The following CCDC134 variants were observed in gnomAD, a reference collection of about 807,000 sequenced individuals.
CCDC134 encodes the protein coiled-coil domain-containing protein 134.
CCDC134 carries 27 observed loss-of-function variants against 25.6 expected under a neutral mutation model. That is an observed-to-expected ratio of 1.05 (90% CI 0.78 to 1.45). The LOEUF is 1.45. CCDC134 is among the 40% of genes most tolerant of loss of function. CCDC134 has a pLI of 0.00. For synonymous variants in CCDC134, 110 were observed against 115.0 expected (o/e 0.96, Z 0.28); for missense variants, 261 against 286.7 (o/e 0.91, Z 0.65).
At chr22:41,804,201 A>G (rs367715285) in intron 1 of CCDC134, among the ~76,000 whole-genome samples, 1 of 152,208 alleles carries the variant, frequency 6.6e-6, no homozygotes, top group Non-Finnish European at 1.5e-5. Context: ...CGGAAAAGCT[A>G]TCTACAGTAT....
intron 6 of CCDC134, among the ~76,000 whole-genome samples, chr22:41,821,220 G>A (rs575236897): frequency 2.6e-5 from 4 of 152,230 alleles, no homozygotes; most frequent in African/African-American, 9.6e-5. Flanking sequence ...CTGCTTTGAG[G>A]GGGTCCTGGG....
intron 1 of CCDC134, among the ~76,000 whole-genome samples, chr22:41,803,895 G>C (rs2076555529): frequency 6.6e-6 from 1 of 152,184 alleles, no homozygotes; most frequent in African/African-American, 2.4e-5. Flanking sequence ...ACTTTGGGAG[G>C]CTGAGACGGG....
chr22:41,814,547 A>G (rs1481880386), intron 6 of CCDC134, among the ~76,000 whole-genome samples: 1 of 152,010 alleles, frequency 6.6e-6, no homozygotes, highest in African/African-American at 2.4e-5. Context: ...AGCCTGGGCA[A>G]CATGAGTGAA....
In CCDC134 at chr22:41,830,979, G is replaced by A. The variant is rs374952571; in HGVS notation, c.*5156G>A. ...CTGCTCACCGTAACTTCTGCCTCCC[G>A]GGTTCAAGCAAGTCTCCTGCCTCAG... is the stretch of plus-strand genomic sequence containing the variant. On this transcript the variant is annotated 3_prime_UTR_variant, in exon 7 of 7. Transcript: ENST00000255784. Among the ~76,000 whole-genome samples the A allele has an allele frequency of 2.1e-3, 304 of 146,878 alleles. 2 individuals are homozygous for A. The highest frequency in any genetic ancestry group is 0.018 in the Middle Eastern group (5 of 274).
chr22:41,815,561 G>T (rs1370780845), intron 6 of CCDC134, among the ~76,000 whole-genome samples: 1 of 152,116 alleles, frequency 6.6e-6, no homozygotes, highest in Non-Finnish European at 1.5e-5. Flanking sequence ...ACTGATAGAG[G>T]CTAGGACCAA....
chr22:41,814,216 A>G (rs556204593), intron 6 of CCDC134, among the ~76,000 whole-genome samples: 14 of 152,232 alleles, frequency 9.2e-5, no homozygotes, highest in Middle Eastern at 3.4e-3. Context: ...CTCTCATTCC[A>G]GGGGTTCCAG....
rs377461039 is a variant in CCDC134 at position 41,813,353 on chromosome 22, T to G, written c.400T>G (p.Ser134Ala). 13 of 1,614,180 alleles carry G rather than the reference T, an allele frequency of 8.1e-6. No homozygotes were observed. The highest frequency in any genetic ancestry group is 7.6e-6 in the Non-Finnish European group (9 of 1,180,030). ...RIVHYYFDHN[S>A]NWNLLIRWGI... ...TGTGCACTATTACTTTGACCACAAC[T>G]CCAACTGGAACCTCCTCATCCGCTG... is the stretch of plus-strand genomic sequence containing the variant. The change falls in exon 5 of 7, where the codon TCC becomes GCC. Residue 134 changes from serine (S) to alanine (A), a missense_variant. Coordinates refer to ENST00000255784, the MANE Select transcript of CCDC134 (RefSeq NM_024821.5).
chr22:41,804,227 T>G (rs1015570996), intron 1 of CCDC134, among the ~76,000 whole-genome samples: 1 of 152,240 alleles, frequency 6.6e-6, no homozygotes, highest in Non-Finnish European at 1.5e-5. Flanking sequence ...CATCAACTTC[T>G]TATCCTGGTT....
rs1427704481 is a variant in CCDC134, at chr22:41,808,919, T to A, written c.29T>A (p.Leu10His). The part of the protein sequence containing the change: MDLLQFLAF[L>H]FVLLLSGMGA... ...GACCTTCTTCAATTCCTGGCCTTCCTCTTTGTCCTGCTTTTGTCTGGGATG... is the reference window on the plus strand; with the variant it reads ...GACCTTCTTCAATTCCTGGCCTTCCACTTTGTCCTGCTTTTGTCTGGGATG... Residue 10 changes from leucine (L) to histidine (H), a missense_variant, in exon 2 of 7, where the codon CTC becomes CAC. Coordinates refer to ENST00000255784, the MANE Select transcript of CCDC134 (RefSeq NM_024821.5). 6.2e-7 allele frequency: 1 copy of A among 1,614,226 alleles called. No individual in the cohort carries two copies. Among genetic ancestry groups the A allele is most frequent in the Admixed American group, 1.7e-5 (1 of 60,018 alleles).
chr22:41,816,684 C>T (rs896133498), intron 6 of CCDC134, among the ~76,000 whole-genome samples: 4 of 152,130 alleles, frequency 2.6e-5, no homozygotes, highest in Admixed American at 6.6e-5. Flanking sequence ...CTTGGGAGAC[C>T]GAGGTGGGCG....
In CCDC134 at chr22:41,829,992, C is replaced by T. The variant is rs1439218770; in HGVS notation, c.*4169C>T. Among the ~76,000 whole-genome samples the T allele has an allele frequency of 2.0e-5, 3 of 152,118 alleles. No individual in the cohort carries two copies. Among genetic ancestry groups the T allele is most frequent in the Admixed American group, 2.0e-4 (3 of 15,278 alleles). Reference sequence around the variant, plus strand: ...TTCACCATATTGGCCAGGATGGTCTCGATCTCTTGACTTCGTGATCTGCCT... The same window carrying T: ...TTCACCATATTGGCCAGGATGGTCTTGATCTCTTGACTTCGTGATCTGCCT... On this transcript the variant is annotated 3_prime_UTR_variant, in exon 7 of 7. Coordinates refer to ENST00000255784, the MANE Select transcript of CCDC134 (RefSeq NM_024821.5).
Position 41,831,184 on chromosome 22 carries a change from ACT to A in CCDC134, c.*5366_*5367del, listed in dbSNP as rs994034245. Reference sequence around the variant, plus strand: ...TACAGGCGTGAGCCACCTTGCCCGGACTCTCTTTGTATTTTTTCTTTCTTTTT... The same window carrying A: ...TACAGGCGTGAGCCACCTTGCCCGGACTCTTTGTATTTTTTCTTTCTTTTT... On this transcript the variant is annotated 3_prime_UTR_variant, in exon 7 of 7. Transcript: ENST00000255784. 20 of 142,734 alleles carry A rather than the reference ACT, an allele frequency of 1.4e-4. No individual in the cohort carries two copies. Among genetic ancestry groups the A allele is most frequent in the African/African-American group, 5.0e-4 (19 of 38,080 alleles). 8.8% of individuals were successfully genotyped at this position (142,734 alleles called of 1,614,324 possible). A position where few individuals can be genotyped will look rare whatever the true frequency, so the allele number is the denominator to read the frequency against.
At position 41,829,872 on chromosome 22, in the gene CCDC134, C is replaced by T. The variant is rs955604964; in HGVS notation, c.*4049C>T. 3.7e-4 allele frequency among the ~76,000 whole-genome samples: 56 copies of T among 152,196 alleles called. No homozygotes were observed. Among genetic ancestry groups the T allele is most frequent in the African/African-American group, 1.3e-3 (53 of 41,520 alleles). ...CACTGCAACCCCCGCCTCCCGGGTTCAAGTGATTCTTCTGCCTCAGCCTCC... is the reference window on the plus strand; with the variant it reads ...CACTGCAACCCCCGCCTCCCGGGTTTAAGTGATTCTTCTGCCTCAGCCTCC... On this transcript the variant is annotated 3_prime_UTR_variant, in exon 7 of 7. Coordinates refer to ENST00000255784, the MANE Select transcript of CCDC134 (RefSeq NM_024821.5).
chr22:41,815,901 C>T (rs1470223074), intron 6 of CCDC134, among the ~76,000 whole-genome samples: 1 of 152,184 alleles, frequency 6.6e-6, no homozygotes, highest in African/African-American at 2.4e-5. Flanking sequence ...CTTCCTGTCT[C>T]AGCCTCCCAA....
At chr22:41,803,400 A>G (rs945432733) in intron 1 of CCDC134, among the ~76,000 whole-genome samples, 2 of 152,168 alleles carry the variant, frequency 1.3e-5, no homozygotes, top group Admixed American at 1.3e-4. Flanking sequence ...GTCATTGCAA[A>G]CTTCTGGGCC....
Position 41,813,836 on chromosome 22 carries a change from G to T in CCDC134, c.564+14G>T. ...GACCGCACAGAGGTGAGCTGCCAGG[G>T]CCTATGCCTGTGTCTGCTTTGCCTC... On this transcript the variant is annotated intron_variant, in intron 6 of 6. Coordinates refer to ENST00000255784, the MANE Select transcript of CCDC134 (RefSeq NM_024821.5). The T allele has an allele frequency of 1.2e-6, 2 of 1,613,092 alleles. No individual in the cohort carries two copies. Among genetic ancestry groups the T allele is most frequent in the Non-Finnish European group, 8.5e-7 (1 of 1,179,052 alleles).
chr22:41,802,146 TTTTA>T (rs1288881464), intron 1 of CCDC134, among the ~76,000 whole-genome samples: 23 of 152,278 alleles, frequency 1.5e-4, no homozygotes, highest in Non-Finnish European at 2.4e-4. Flanking sequence ...CCTTCCTCGG[TTTTA>T]TTTGTCAGAG....
Position 41,830,502 on chromosome 22 carries a change from G to T in CCDC134, c.*4679G>T, listed in dbSNP as rs1309541537. Among the ~76,000 whole-genome samples the T allele has an allele frequency of 1.3e-5, 2 of 152,194 alleles. No homozygotes were observed. Among genetic ancestry groups the T allele is most frequent in the Admixed American group, 1.3e-4 (2 of 15,282 alleles). The stretch of plus-strand genomic sequence containing the variant: ...CACACCAGTGTGAGGGGCCTTGCAA[G>T]AGCCACTGGGCAGCACAGTTGAAGG... On this transcript the variant is annotated 3_prime_UTR_variant, in exon 7 of 7. Transcript: ENST00000255784.
chr22:41,809,963 A>G lies in CCDC134; in HGVS notation c.188A>G (p.Tyr63Cys). 2 of 1,614,204 alleles carry G rather than the reference A, an allele frequency of 1.2e-6. No individual in the cohort carries two copies. Among genetic ancestry groups the G allele is most frequent in the Non-Finnish European group, 1.7e-6 (2 of 1,180,042 alleles). The change falls in exon 3 of 7, where the codon TAC becomes TGC. Residue 63 changes from tyrosine to cysteine, a missense_variant. Coordinates refer to ENST00000255784, the MANE Select transcript of CCDC134 (RefSeq NM_024821.5). ...LAQLNDIHQQ[Y>C]KILDVMLKGL... Reference sequence around the variant, plus strand: ...CAGCTGAACGACATCCACCAGCAGTACAAGATCCTTGATGTCATGCTCAAG... The same window carrying G: ...CAGCTGAACGACATCCACCAGCAGTGCAAGATCCTTGATGTCATGCTCAAG...
Sources: allele counts gnomAD v4.1 joint callset (sites outside exome capture counted in the v4.1 genomes callset), GRCh38; gene constraint gnomAD v4.1.1; transcripts MANE v1.5; gene names NCBI Gene and HGNC (gene_info 2026-07-23, HGNC 2026-07-21).